The following KDM4C variants were observed in gnomAD, a reference collection of about 807,000 sequenced individuals.
The protein encoded by KDM4C is lysine demethylase 4C, also known as lysine-specific demethylase 4C.
A neutral mutation model predicts 129.3 loss-of-function variants in KDM4C; 81 were observed. The observed-to-expected ratio is 0.63, with a 90% confidence interval of 0.52 to 0.75. KDM4C has a LOEUF of 0.75. Ranked by LOEUF, KDM4C falls within the 30% of genes least tolerant of loss-of-function variation. The pLI is 0.00. For synonymous variants in KDM4C, 573 were observed against 456.1 expected (o/e 1.26, Z -3.26); for missense variants, 1,457 against 1,304.0 (o/e 1.12, Z -1.81).
intron 17 of KDM4C, among the ~76,000 whole-genome samples, chr9:7,065,301 C>T (rs896802591): frequency 6.6e-6 from 1 of 151,666 alleles, no homozygotes; most frequent in Non-Finnish European, 1.5e-5. Flanking sequence ...TATATTCCAT[C>T]TTTCTTTAAT....
At chr9:7,011,142 A>G (rs937249230) in intron 12 of KDM4C, among the ~76,000 whole-genome samples, 1 of 152,232 alleles carries the variant, frequency 6.6e-6, no homozygotes, top group African/African-American at 2.4e-5. Flanking sequence ...TTTCTTTTAT[A>G]TCCATGTAAT....
At chr9:6,924,722 G>A (rs1273515826) in intron 8 of KDM4C, 1 of 977,330 alleles carries the variant, frequency 1.0e-6, no homozygotes, top group African/African-American at 1.8e-5. Flanking sequence ...GGAAACTCCT[G>A]TGGATTTTGT....
At chr9:7,064,946 T>G (rs1165866195) in intron 17 of KDM4C, among the ~76,000 whole-genome samples, 1 of 152,166 alleles carries the variant, frequency 6.6e-6, no homozygotes. Flanking sequence ...GTTCTTGAAG[T>G]CTCTTGTATA....
At chr9:7,054,343 C>G (rs1273166605) in intron 17 of KDM4C, among the ~76,000 whole-genome samples, 1 of 152,030 alleles carries the variant, frequency 6.6e-6, no homozygotes, top group Non-Finnish European at 1.5e-5. Flanking sequence ...ATTTTCTCTA[C>G]TAGTATGATT....
chr9:7,027,452 G>A (rs1476791813), intron 15 of KDM4C, among the ~76,000 whole-genome samples: 1 of 152,186 alleles, frequency 6.6e-6, no homozygotes, highest in African/African-American at 2.4e-5. Flanking sequence ...CTCTCTGTTT[G>A]TTCTGAGCCA....
chr9:7,133,599 TTAGTCC>T (rs559798182), intron 19 of KDM4C, among the ~76,000 whole-genome samples: 1 of 152,304 alleles, frequency 6.6e-6, no homozygotes, highest in South Asian at 2.1e-4. Flanking sequence ...TGATTGCAGG[TTAGTCC>T]CCTTGTTCCA....
At chr9:6,842,421 G>A (rs538192668) in intron 4 of KDM4C, among the ~76,000 whole-genome samples, 2 of 141,640 alleles carry the variant, frequency 1.4e-5, no homozygotes, top group East Asian at 4.4e-4. Flanking sequence ...TGCAACCTCC[G>A]CCTCCTGGGT....
intron 4 of KDM4C, among the ~76,000 whole-genome samples, chr9:6,824,915 G>A (rs1246441303): frequency 6.6e-6 from 1 of 151,908 alleles, no homozygotes; most frequent in Admixed American, 6.6e-5. Context: ...AGGCCGAGGC[G>A]GGTGGATCAC....
chr9:7,155,185 T>C (rs973138067), intron 19 of KDM4C, among the ~76,000 whole-genome samples: 11 of 152,256 alleles, frequency 7.2e-5, no homozygotes, highest in Middle Eastern at 3.4e-3. Flanking sequence ...GAACACGCTT[T>C]GAGAAGCTGT....
intron 6 of KDM4C, among the ~76,000 whole-genome samples, chr9:6,886,223 G>A (rs532915117): frequency 6.6e-6 from 1 of 152,042 alleles, no homozygotes; most frequent in East Asian, 1.9e-4. Flanking sequence ...TTGTGTTTAT[G>A]TATTATGAAT....
At chr9:6,900,207 G>A (rs72701464) in intron 8 of KDM4C, among the ~76,000 whole-genome samples, 209 of 152,244 alleles carry the variant, frequency 1.4e-3, no homozygotes, top group Non-Finnish European at 2.5e-3. Context: ...TATATCTTAC[G>A]TTGAATTGGA....
chr9:7,150,489 C>G (rs1842631532), intron 19 of KDM4C, among the ~76,000 whole-genome samples: 1 of 152,208 alleles, frequency 6.6e-6, no homozygotes, highest in African/African-American at 2.4e-5. Context: ...GAGTCCCCAG[C>G]TGGATCTGAA....
intron 8 of KDM4C, among the ~76,000 whole-genome samples, chr9:6,900,252 A>AG (rs1266934539): frequency 6.6e-6 from 1 of 152,176 alleles, no homozygotes; most frequent in African/African-American, 2.4e-5. Flanking sequence ...TAGGGCAGTG[A>AG]GGCCCGGCTT....
At chr9:7,083,355 A>T (rs1834753558) in intron 17 of KDM4C, among the ~76,000 whole-genome samples, 1 of 152,328 alleles carries the variant, frequency 6.6e-6, no homozygotes, top group African/African-American at 2.4e-5. Flanking sequence ...TGGACTTTGA[A>T]CTTTTGGATT....
intron 1 of KDM4C, among the ~76,000 whole-genome samples, chr9:6,762,417 C>T (rs1161836018): frequency 6.6e-6 from 1 of 151,878 alleles, no homozygotes; most frequent in Admixed American, 6.6e-5. Flanking sequence ...AGTGATCCTT[C>T]TGACTTGGCC....
At chr9:6,763,034 G>T (rs1053327596) in intron 1 of KDM4C, among the ~76,000 whole-genome samples, 6 of 150,422 alleles carry the variant, frequency 4.0e-5, no homozygotes, top group Admixed American at 6.6e-5. Flanking sequence ...TTCCGCTGGT[G>T]GGGGGGGATG....
intron 15 of KDM4C, among the ~76,000 whole-genome samples, chr9:7,030,209 A>G (rs183510694): frequency 4.1e-4 from 62 of 152,282 alleles, no homozygotes; most frequent in Non-Finnish European, 5.7e-4. Flanking sequence ...CTTAAATAAA[A>G]CTGAATTTAC....
intron 8 of KDM4C, among the ~76,000 whole-genome samples, chr9:6,926,305 A>G (rs1455946423): frequency 1.4e-5 from 2 of 147,066 alleles, no homozygotes; most frequent in Non-Finnish European, 3.0e-5. Context: ...TTGTGAATAG[A>G]AACAAGTGGA....
chr9:7,099,937 A>G (rs1836882412), intron 17 of KDM4C, among the ~76,000 whole-genome samples: 1 of 151,816 alleles, frequency 6.6e-6, no homozygotes, highest in Admixed American at 6.6e-5. Context: ...TTTTTAATAT[A>G]TATTTTTATA....
Sources: allele counts gnomAD v4.1 joint callset (sites outside exome capture counted in the v4.1 genomes callset), GRCh38; gene constraint gnomAD v4.1.1; transcripts MANE v1.5; gene names NCBI Gene and HGNC (gene_info 2026-07-23, HGNC 2026-07-21).